The following SCML4 variants were observed in gnomAD, a reference collection of about 807,000 sequenced individuals.
The protein encoded by SCML4 is Scm polycomb group protein like 4.
A neutral mutation model predicts 41.1 loss-of-function variants in SCML4; 34 were observed. That is an observed-to-expected ratio of 0.83 (90% CI 0.63 to 1.10). The LOEUF (loss-of-function observed/expected upper bound fraction) is 1.10. Ranked by LOEUF, SCML4 falls within the 50% of genes least tolerant of loss-of-function variation. The pLI, the probability that SCML4 is intolerant of heterozygous loss-of-function variation, is 0.00. For synonymous variants in SCML4, 214 were observed against 220.9 expected, an observed-to-expected ratio of 0.97 and a Z score of 0.28; for missense variants, 522 against 534.1, an observed-to-expected ratio of 0.98 and a Z score of 0.22.
At chr6:107,843,718 G>A in the SCML4 span, among the ~76,000 whole-genome samples, 4 of 152,206 alleles carry the variant, frequency 2.6e-5, no homozygotes, top group Non-Finnish European at 4.4e-5. Context: ...AACTTTGCGG[G>A]AGAAGGAGAT....
At chr6:107,820,889 A>C (rs1784901992) in intron 1 of SCML4, among the ~76,000 whole-genome samples, 1 of 152,230 alleles carries the variant, frequency 6.6e-6, no homozygotes, top group Non-Finnish European at 1.5e-5. Flanking sequence ...ACATATTCAA[A>C]TGCGATTCAA....
chr6:107,753,634 T>C (rs1401733114), intron 2 of SCML4, among the ~76,000 whole-genome samples: 1 of 152,192 alleles, frequency 6.6e-6, no homozygotes, highest in Admixed American at 6.5e-5. Context: ...ATTTTGTGTG[T>C]TTTTTAGCAA....
intron 1 of SCML4, among the ~76,000 whole-genome samples, chr6:107,802,749 C>T (rs1361910498): frequency 7.0e-6 from 1 of 142,660 alleles, no homozygotes; most frequent in Middle Eastern, 3.4e-3. Flanking sequence ...CCTCTCCCCA[C>T]GGTCTCCCTC....
chr6:107,746,685 T>A lies in SCML4; in HGVS notation c.487+4A>T. On this transcript the variant is annotated splice_donor_region_variant and intron_variant, in intron 4 of 7. Coordinates refer to ENST00000369020, the MANE Select transcript of SCML4 (RefSeq NM_198081.5). ...CTCCTCATGCAACCTGCCCCAGGCC[T>A]TACCTGACACCATCTCACCACCATA... is the stretch of plus-strand genomic sequence containing the variant. 1.9e-6 allele frequency: 3 copies of A among 1,613,330 alleles called. No individual in the cohort carries two copies. The highest frequency in any genetic ancestry group is 2.5e-6 in the Non-Finnish European group (3 of 1,179,536).
intron 1 of SCML4, among the ~76,000 whole-genome samples, chr6:107,796,741 T>G (rs1782745519): frequency 6.6e-6 from 1 of 152,168 alleles, no homozygotes; most frequent in African/African-American, 2.4e-5. Flanking sequence ...GATATTGTCT[T>G]GTGTTTTCTT....
chr6:107,780,320 T>C (rs1781383118), intron 1 of SCML4, among the ~76,000 whole-genome samples: 1 of 152,234 alleles, frequency 6.6e-6, no homozygotes, highest in Non-Finnish European at 1.5e-5. Context: ...CCAATTCTGA[T>C]ACTAAAATTT....
At chr6:107,791,184 G>T (rs1562262479) in intron 1 of SCML4, among the ~76,000 whole-genome samples, 1 of 152,124 alleles carries the variant, frequency 6.6e-6, no homozygotes, top group Non-Finnish European at 1.5e-5. Context: ...GATGGAATTA[G>T]CCTACTGCTT....
At chr6:107,830,433 G>T in the SCML4 span, among the ~76,000 whole-genome samples, 1 of 151,970 alleles carries the variant, frequency 6.6e-6, no homozygotes, top group African/African-American at 2.4e-5. Flanking sequence ...CTGGTAAGGG[G>T]TTGGATGGGT....
At chr6:107,805,490 C>G (rs1371083517) in intron 1 of SCML4, among the ~76,000 whole-genome samples, 1 of 152,172 alleles carries the variant, frequency 6.6e-6, no homozygotes, top group African/African-American at 2.4e-5. Flanking sequence ...TTTTCATACC[C>G]CCATTTAAAT....
At chr6:107,784,408 A>G (rs547809437) in intron 1 of SCML4, among the ~76,000 whole-genome samples, 22 of 152,334 alleles carry the variant, frequency 1.4e-4, no homozygotes, top group African/African-American at 4.6e-4. Context: ...AAATGTGGAA[A>G]TTTACACAGT....
intron 1 of SCML4, among the ~76,000 whole-genome samples, chr6:107,807,209 G>T (rs1783807682): frequency 6.6e-6 from 1 of 152,118 alleles, no homozygotes; most frequent in African/African-American, 2.4e-5. Flanking sequence ...TTTACAAAAT[G>T]CTTTGGGATC....
chr6:107,720,790 A>T lies in SCML4; in HGVS notation c.886T>A (p.Ser296Thr). 1 of 1,613,808 alleles carries T rather than the reference A, an allele frequency of 6.2e-7. No individual in the cohort carries two copies. Among genetic ancestry groups the T allele is most frequent in the Non-Finnish European group, 8.5e-7 (1 of 1,179,866 alleles). ...CCAGGTGCCGAGGGGCCACCAGAAG[A>T]CATGGGGCTAGTGCGGGGACCACCA... ...TAGGPRTSPM[S>T]SGGPSAPGLR... Residue 296 changes from serine to threonine, a missense_variant, in exon 6 of 8, where the codon TCT (serine) becomes ACT (threonine). Ser to Thr is a moderately conservative substitution (Grantham distance 58). Transcript: ENST00000369020.
chr6:107,742,704 T>A (rs1777698068), intron 5 of SCML4, among the ~76,000 whole-genome samples: 1 of 152,064 alleles, frequency 6.6e-6, no homozygotes, highest in African/African-American at 2.4e-5. Flanking sequence ...CAAGCAGTTA[T>A]CCTTCAAATA....
At chr6:107,817,753 C>A (rs2114299556) in intron 1 of SCML4, among the ~76,000 whole-genome samples, 1 of 151,952 alleles carries the variant, frequency 6.6e-6, no homozygotes, top group African/African-American at 2.4e-5. Context: ...AGAGAGGGCC[C>A]TAGAAAGAAA....
intron 6 of SCML4, among the ~76,000 whole-genome samples, chr6:107,715,186 G>A (rs368478396): frequency 0.013 from 1,688 of 134,206 alleles, 52 homozygotes; most frequent in African/African-American, 0.048. Flanking sequence ...TATTGACTGG[G>A]CTGGTCTTGA....
chr6:107,817,767 C>G (rs12194084), intron 1 of SCML4, among the ~76,000 whole-genome samples: 26,416 of 151,836 alleles, frequency 0.17, 2,496 homozygotes, highest in African/African-American at 0.23. Context: ...AAAGAAAGAA[C>G]CAATCCTCTA....
intron 5 of SCML4, among the ~76,000 whole-genome samples, chr6:107,729,771 TG>T (rs1173440220): frequency 7.9e-5 from 12 of 152,216 alleles, no homozygotes; most frequent in Non-Finnish European, 1.5e-5. Context: ...GTAGAAATTG[TG>T]AAGGTGGTAA....
chr6:107,778,210 AAAAAAAAAAAAAATATATATAT>A (rs1277107399), intron 1 of SCML4, among the ~76,000 whole-genome samples: 4 of 21,328 alleles, frequency 1.9e-4, no homozygotes, highest in South Asian at 2.5e-3. Flanking sequence ...AAAAAAAAAA[AAAAAAAAAAAAAATATATATAT>A]ATATATATAT....
At chr6:107,813,213 A>G (rs1246455418) in intron 1 of SCML4, among the ~76,000 whole-genome samples, 1 of 150,778 alleles carries the variant, frequency 6.6e-6, no homozygotes, top group Admixed American at 6.6e-5. Flanking sequence ...AATACAAAAA[A>G]TTAGCTCAGG....
Sources: gnomAD v4.1 joint callset for allele counts (sites outside exome capture counted in the v4.1 genomes callset) on GRCh38, gnomAD v4.1.1 for gene constraint, MANE v1.5 for transcripts, NCBI Gene and HGNC (gene_info 2026-07-23, HGNC 2026-07-21) for gene names.